EYS: variants seen among roughly 807,000 people sequenced by gnomAD.
EYS encodes EGF-like photoreceptor maintenance factor, also known as protein eyes shut homolog.
Under a neutral mutation model 282.1 loss-of-function variants are expected in EYS, and 250 were observed. The ratio of observed to expected loss-of-function variants is 0.89; its 90% confidence interval spans 0.80 to 0.98. The LOEUF is 0.98. EYS is among the 50% of genes least tolerant of loss of function. The pLI is 0.00. For missense variants in EYS, 4,016 were observed against 3,709.0 expected, an observed-to-expected ratio of 1.08 and a Z score of -2.15; for synonymous variants, 1,355 against 1,282.9, an observed-to-expected ratio of 1.06 and a Z score of -1.20.
chr6:65,249,145 G>T (rs1767255420), intron 12 of EYS, among the ~76,000 whole-genome samples: 1 of 149,208 alleles, frequency 6.7e-6, no homozygotes, highest in Non-Finnish European at 1.5e-5. Flanking sequence ...AAGTATAAAA[G>T]AAAATAGCAT....
At chr6:65,403,807 G>GA (rs1281519722) in intron 6 of EYS, among the ~76,000 whole-genome samples, 1 of 151,950 alleles carries the variant, frequency 6.6e-6, no homozygotes, top group Non-Finnish European at 1.5e-5. Context: ...CTTATATTAA[G>GA]ATTCTTTTAA....
chr6:64,106,571 AT>A (rs1227489896), intron 31 of EYS, among the ~76,000 whole-genome samples: 1 of 151,382 alleles, frequency 6.6e-6, no homozygotes, highest in Non-Finnish European at 1.5e-5. Flanking sequence ...TTTTAGAATT[AT>A]TTTGTCTTTT....
chr6:64,630,206 C>A (rs780134739), intron 22 of EYS, among the ~76,000 whole-genome samples: 3 of 152,128 alleles, frequency 2.0e-5, no homozygotes, highest in Non-Finnish European at 2.9e-5. Context: ...AGTGATTCCC[C>A]TCCCTCAGCT....
chr6:65,240,159 G>A (rs1189378736), intron 12 of EYS, among the ~76,000 whole-genome samples: 2 of 151,764 alleles, frequency 1.3e-5, no homozygotes, highest in Non-Finnish European at 2.9e-5. Context: ...TAGTAGAGAC[G>A]GGGTTTCACC....
intron 41 of EYS, among the ~76,000 whole-genome samples, chr6:63,752,533 C>T (rs1353229466): frequency 6.9e-6 from 1 of 144,644 alleles, no homozygotes; most frequent in Non-Finnish European, 1.5e-5. Flanking sequence ...CACTCTGTCA[C>T]CCAGGCTGGA....
intron 35 of EYS, among the ~76,000 whole-genome samples, chr6:63,902,705 A>G (rs914275657): frequency 2.6e-5 from 4 of 152,316 alleles, no homozygotes; most frequent in African/African-American, 9.6e-5. Flanking sequence ...ATCCCTAAAA[A>G]ACACTAAGAA....
intron 19 of EYS, among the ~76,000 whole-genome samples, chr6:64,859,247 T>G (rs1481206079): frequency 6.8e-6 from 1 of 147,818 alleles, no homozygotes; most frequent in Non-Finnish European, 1.5e-5. Context: ...TTAAATATAT[T>G]AATATATTTA....
chr6:63,783,540 A>G (rs1308910209), intron 39 of EYS, among the ~76,000 whole-genome samples: 2 of 152,216 alleles, frequency 1.3e-5, no homozygotes, highest in Non-Finnish European at 2.9e-5. Context: ...ATTCTCCAGA[A>G]GCTTACTAAA....
chr6:64,950,913 C>T (rs1055608485), intron 14 of EYS, among the ~76,000 whole-genome samples: 1 of 146,626 alleles, frequency 6.8e-6, no homozygotes, highest in Admixed American at 7.0e-5. Flanking sequence ...AAAGTTAAGA[C>T]TACAGAGGGC....
chr6:65,456,591 T>C (rs1764626965), intron 5 of EYS, among the ~76,000 whole-genome samples: 1 of 152,096 alleles, frequency 6.6e-6, no homozygotes, highest in Non-Finnish European at 1.5e-5. Context: ...ATCCCAGGCA[T>C]GCAATGAGGG....
At chr6:65,622,012 T>G (rs1766518926) in intron 2 of EYS, among the ~76,000 whole-genome samples, 1 of 152,100 alleles carries the variant, frequency 6.6e-6, no homozygotes, top group African/African-American at 2.4e-5. Context: ...AAACTAAAAA[T>G]AAGCAGTTCC....
chr6:65,702,863 G>A (rs1008170475), intron 1 of EYS, among the ~76,000 whole-genome samples: 18 of 152,078 alleles, frequency 1.2e-4, no homozygotes, highest in African/African-American at 4.1e-4. Context: ...TGGTGCCATA[G>A]TATCCACTTT....
chr6:65,666,782 A>G (rs1047192136), intron 1 of EYS, among the ~76,000 whole-genome samples: 2 of 151,538 alleles, frequency 1.3e-5, no homozygotes, highest in East Asian at 3.9e-4. Context: ...ATCTTCTAGA[A>G]TCATAGAATA....
chr6:65,182,557 G>GTTTTGTATTTCCTTGACATT (rs1765416896), intron 12 of EYS, among the ~76,000 whole-genome samples: 1 of 144,112 alleles, frequency 6.9e-6, no homozygotes. Flanking sequence ...TCCTTGACAT[G>GTTTTGTATTTCCTTGACATT]TTTTGTATTT....
intron 14 of EYS, among the ~76,000 whole-genome samples, chr6:64,950,700 A>G (rs1769457933): frequency 6.7e-6 from 1 of 149,258 alleles, no homozygotes; most frequent in African/African-American, 2.4e-5. Context: ...CATTAACAAC[A>G]ACTACCTACA....
At chr6:64,870,417 C>T (rs1562235218) in intron 19 of EYS, among the ~76,000 whole-genome samples, 1 of 140,246 alleles carries the variant, frequency 7.1e-6, no homozygotes, top group Non-Finnish European at 1.6e-5. Context: ...TACCCCCCTC[C>T]TCCCCCCTCC....
chr6:64,185,800 C>T (rs1246018541), intron 31 of EYS, among the ~76,000 whole-genome samples: 1 of 152,134 alleles, frequency 6.6e-6, no homozygotes, highest in Non-Finnish European at 1.5e-5. Flanking sequence ...GTCCAAACAA[C>T]TACGTGTCAG....
intron 12 of EYS, among the ~76,000 whole-genome samples, chr6:65,279,856 C>T (rs1768167063): frequency 6.6e-6 from 1 of 152,088 alleles, no homozygotes; most frequent in South Asian, 2.1e-4. Flanking sequence ...CTTTTCCCAA[C>T]ATGATTTCAA....
rs1375565756 is a variant in EYS, at chr6:64,638,737, T to G, written c.3444-12492A>C. Reference sequence around the variant, plus strand: ...TCAAGTGCAGTCATTTTCAAGCAATTTTCTCTGACTATCTTTTCCTCTGGG... The same window carrying G: ...TCAAGTGCAGTCATTTTCAAGCAATGTTCTCTGACTATCTTTTCCTCTGGG... On this transcript the variant is annotated intron_variant, in intron 22 of 42. Transcript: ENST00000503581. Among the ~76,000 whole-genome samples, 2 of 90,466 alleles carry G rather than the reference T, an allele frequency of 2.2e-5. 1 individual carries two copies. Among genetic ancestry groups the G allele is most frequent in the Non-Finnish European group, 4.7e-5 (2 of 42,228 alleles). 59.3% of individuals were successfully genotyped at this position (90,466 alleles called of 152,430 possible). A position where few individuals can be genotyped will look rare whatever the true frequency, so the allele number is the denominator to read the frequency against.
Sources: allele counts gnomAD v4.1 joint callset (sites outside exome capture counted in the v4.1 genomes callset), GRCh38; gene constraint gnomAD v4.1.1; transcripts MANE v1.5; gene names NCBI Gene and HGNC (gene_info 2026-07-23, HGNC 2026-07-21).